The following PAX6 variants were observed in gnomAD, a reference collection of about 807,000 sequenced individuals.
PAX6 encodes paired box 6.
Under a neutral mutation model 60.7 loss-of-function variants are expected in PAX6, and 7 were observed. That is an observed-to-expected ratio of 0.12 (90% CI 0.07 to 0.22). The LOEUF is 0.22. PAX6 is among the 10% of genes least tolerant of loss of function. PAX6 has a pLI of 1.00. For missense variants in PAX6, 355 were observed against 555.2 expected (o/e 0.64, Z 3.62); for synonymous variants, 208 against 201.2 (o/e 1.03, Z -0.29).
At chr11:31,814,987 C>CCTCTCTCTCTCTCTCTCTCTCTCTCT (rs1565286075), upstream of PAX6, 1 of 84,970 alleles carries the variant, frequency 1.2e-5, no homozygotes, top group East Asian at 5.0e-4. Context: ...GGGAGGCCAG[C>CCTCTCTCTCTCTCTCTCTCTCTCTCT]CTGTCTCTCT....
In PAX6 at chr11:31,790,110, A is replaced by AAAAAC. The variant is rs1554982378; in HGVS notation, c.1226-92_1226-91insGTTTT. The AAAAAC allele has an allele frequency of 2.1e-5, 17 of 799,086 alleles. No individual in the cohort carries two copies. The African/African-American group carries it at 2.2e-4, about 10-fold the overall frequency. The allele number at this position is 799,086 out of a possible 1,614,324, so 49.5% of individuals were successfully genotyped here. A position where few individuals can be genotyped will look rare whatever the true frequency, so the allele number is the denominator to read the frequency against. Reference sequence around the variant, plus strand: ...TTTATAGGTTTACAAAAAAAAAAAAAAAAAAAAAAACTAATACTTTCTAAC... The same window carrying AAAAAC: ...TTTATAGGTTTACAAAAAAAAAAAAAAAAACAAAAAAAAAACTAATACTTTCTAAC... On this transcript the variant is annotated intron_variant, in intron 13 of 13. Transcript: ENST00000640368.
chr11:31,793,370 G>A (rs767105283), intron 12 of PAX6, 68 bp downstream of exon 12: 39 of 1,341,902 alleles, frequency 2.9e-5, no homozygotes, highest in African/African-American at 8.6e-5. Flanking sequence ...AATGAGGTCC[G>A]CAGGCCCTGA....
rs777469807 is a variant in PAX6, at chr11:31,790,516, A to G, written c.1225+194T>C. The G allele has an allele frequency of 4.2e-5, 41 of 983,314 alleles. No individual in the cohort carries two copies. The East Asian group carries it at 1.6e-3, about 38-fold the overall frequency. 60.9% of individuals were successfully genotyped at this position (983,314 alleles called of 1,614,324 possible). On this transcript the variant is annotated intron_variant, in intron 13 of 13. Coordinates refer to ENST00000640368, the MANE Select transcript of PAX6 (RefSeq NM_001368894.2). The stretch of plus-strand genomic sequence containing the variant: ...TTTGTGACCAAATTCAGGAAAAACA[A>G]TTTTAGTTTTTGTCTATATGGTGTA...
chr11:31,790,116 A>AAAAAC, intron 13 of PAX6, 97 bp from the exon 14 acceptor site: 2 of 779,214 alleles, frequency 2.6e-6, no homozygotes, highest in African/African-American at 1.8e-5. Flanking sequence ...AAAAAAAAAA[A>AAAAAC]AAAACTAATA....
At position 31,790,618 on chromosome 11, in the gene PAX6, A is replaced by T; in HGVS notation, c.1225+92T>A. 4 of 1,587,180 alleles carry T rather than the reference A, an allele frequency of 2.5e-6. No homozygotes were observed. The South Asian group carries it at 4.4e-5, about 18-fold the overall frequency. ...GGACAAGGAAAGCAAGGAGTTAAAC[A>T]CGCCCTCCCATAAGACCAGGAGATT... On this transcript the variant is annotated intron_variant, in intron 13 of 13. Transcript: ENST00000640368.
intron 9 of PAX6, 197 bp downstream of exon 9, chr11:31,794,433 C>CAG: frequency 3.9e-5 from 1 of 25,614 alleles, no homozygotes; most frequent in South Asian, 3.8e-4. Flanking sequence ...CACACACACA[C>CAG]ACACACACAC....
intron 13 of PAX6, chr11:31,790,234 A>AC: frequency 3.8e-6 from 2 of 526,226 alleles, no homozygotes; most frequent in South Asian, 3.0e-5. Context: ...GATCCCAAGT[A>AC]CCCCCCACCC....
upstream of PAX6, chr11:31,814,877 G>T: frequency 6.5e-6 from 1 of 154,548 alleles, no homozygotes; most frequent in Non-Finnish European, 1.4e-5. Context: ...TGCTCGGCTT[G>T]GGGGGAAGCC....
At chr11:31,817,039 G>T (rs1046031599) in intron 1 of PAX6, among the ~76,000 whole-genome samples, 3 of 152,216 alleles carry the variant, frequency 2.0e-5, no homozygotes, top group Non-Finnish European at 2.9e-5. Context: ...TCCAAGGGCC[G>T]CAGGGTGGTG....
At position 31,789,490 on chromosome 11, in the gene PAX6, A is replaced by G. The variant is rs568060956; in HGVS notation, c.*444T>C. The G allele has an allele frequency of 7.1e-6, 4 of 561,472 alleles. No homozygotes were observed. In the African/African-American group the frequency reaches 7.6e-5, roughly 11 times the overall value. The allele number at this position is 561,472 out of a possible 1,614,324, so 34.8% of individuals were successfully genotyped here. A position where few individuals can be genotyped will look rare whatever the true frequency, so the allele number is the denominator to read the frequency against. ...ACAAACTTGGAACATCAGTCCATAA[A>G]CTATGAACAGATGGGTAGAAGTATT... On this transcript the variant is annotated 3_prime_UTR_variant, in exon 14 of 14. Transcript: ENST00000640368.
chr11:31,800,830 G>A lies in PAX6; in HGVS notation c.426C>T (p.Arg142=). 1.2e-6 allele frequency: 2 copies of A among 1,614,166 alleles called. No individual in the cohort carries two copies. The highest frequency in any genetic ancestry group is 1.7e-6 in the Non-Finnish European group (2 of 1,180,022). ...PSVSSINRVL[R]NLASEKQQMG... The stretch of plus-strand genomic sequence containing the variant: ...TCTGTTGCTTTTCGCTAGCCAGGTT[G>A]CGAAGAACTCTGTTTATTGATGACA... Residue 142 remains arginine, a synonymous_variant, in exon 8 of 14, where the codon CGC becomes CGT. Transcript: ENST00000640368.
At chr11:31,793,390 C>T in intron 12 of PAX6, 48 bp downstream of exon 12, 1 of 1,533,694 alleles carries the variant, frequency 6.5e-7, no homozygotes, top group Non-Finnish European at 9.0e-7. Flanking sequence ...AGCCACTCCT[C>T]ACTTCTCTGG....
At chr11:31,794,899 CA>C (rs2134669878) in intron 8 of PAX6, 111 bp from the exon 9 acceptor site, 1 of 957,676 alleles carries the variant, frequency 1.0e-6, no homozygotes, top group South Asian at 1.4e-5. Context: ...ACAGCCTCAC[CA>C]AAACATTCCC....
At chr11:31,798,095 C>G (rs528265681) in intron 8 of PAX6, among the ~76,000 whole-genome samples, 1 of 151,904 alleles carries the variant, frequency 6.6e-6, no homozygotes, top group South Asian at 2.1e-4. Flanking sequence ...GAAAAGATAG[C>G]AACCCGGTTG....
chr11:31,809,320 T>C (rs571597330), intron 2 of PAX6: 1 of 152,272 alleles, frequency 6.6e-6, no homozygotes, highest in Non-Finnish European at 1.5e-5. Flanking sequence ...TCAAGCTCTT[T>C]GCCTTTCATT....
upstream of PAX6, chr11:31,814,263 G>A (rs1009220394): frequency 1.3e-5 from 2 of 152,230 alleles, no homozygotes; most frequent in African/African-American, 4.8e-5. Flanking sequence ...GGGGGACCGT[G>A]GCTCGCCAGA....
At chr11:31,802,149 CG>C (rs1954161279) in intron 5 of PAX6, 1 of 532,448 alleles carries the variant, frequency 1.9e-6, no homozygotes, top group Non-Finnish European at 3.3e-6. Flanking sequence ...CTTAAAGTGG[CG>C]TTATGTTTTA....
upstream of PAX6, among the ~76,000 whole-genome samples, chr11:31,815,709 A>G (rs549031344): frequency 6.6e-6 from 1 of 151,862 alleles, no homozygotes; most frequent in Non-Finnish European, 1.5e-5. Flanking sequence ...TAGCGACAGG[A>G]GAACAGAGGC....
chr11:31,803,167 C>A, intron 4 of PAX6: 1 of 395,688 alleles, frequency 2.5e-6, no homozygotes, highest in Non-Finnish European at 4.8e-6. Context: ...CAGACACATG[C>A]CAAGGAACAA....
Sources: allele counts gnomAD v4.1 joint callset (sites outside exome capture counted in the v4.1 genomes callset), GRCh38; gene constraint gnomAD v4.1.1; transcripts MANE v1.5; gene names NCBI Gene and HGNC (gene_info 2026-07-23, HGNC 2026-07-21).